The following ASTN2 variants were observed in gnomAD, a reference collection of about 807,000 sequenced individuals.
ASTN2 encodes the protein astrotactin-2.
A neutral mutation model predicts 139.8 loss-of-function variants in ASTN2; 54 were observed. The observed-to-expected ratio is 0.39, with a 90% CI of 0.31 to 0.48. ASTN2 has a LOEUF of 0.48. ASTN2 is among the 20% of genes least tolerant of loss of function. ASTN2 has a pLI of 0.95. For synonymous variants in ASTN2, 756 were observed against 719.5 expected (o/e 1.05, Z -0.81); for missense variants, 1,565 against 1,725.1 (o/e 0.91, Z 1.64).
intron 12 of ASTN2, among the ~76,000 whole-genome samples, chr9:116,806,436 GCAGTGA>G (rs1831030827): frequency 6.6e-6 from 1 of 152,196 alleles, no homozygotes; most frequent in Non-Finnish European, 1.5e-5. Context: ...GAAAAGATTT[GCAGTGA>G]CAAATCTCAG....
chr9:116,556,168 C>T (rs989879796), intron 19 of ASTN2, among the ~76,000 whole-genome samples: 16 of 152,182 alleles, frequency 1.1e-4, no homozygotes, highest in Admixed American at 6.5e-4. Context: ...GAATGAAGCA[C>T]GAGGAGTGCT....
rs1564158433 is a variant in ASTN2 at position 116,618,445 on chromosome 9, G to A, written c.3234C>T (p.Pro1078=). Residue 1078 remains proline (P), a synonymous_variant, in exon 19 of 23, where the codon CCC becomes CCT. Coordinates refer to ENST00000313400, the MANE Select transcript of ASTN2 (RefSeq NM_001365068.1). ...PVLRLSPTVE[P]SSTVVSLEWV... is the part of the protein sequence containing the mutation. ...ACTCCAAGGAGACCACAGTACTGGA[G>A]GGCTCCACTGTTGGGGACAGCCGCA... is the stretch of plus-strand genomic sequence containing the variant. 6.2e-7 allele frequency: 1 copy of A among 1,613,742 alleles called. No homozygotes were observed. The highest frequency in any genetic ancestry group is 1.3e-5 in the African/African-American group (1 of 74,920).
intron 10 of ASTN2, among the ~76,000 whole-genome samples, chr9:116,911,333 T>G (rs1255194219): frequency 6.6e-6 from 1 of 152,220 alleles, no homozygotes; most frequent in Non-Finnish European, 1.5e-5. Context: ...TTGAGGAACA[T>G]TCTACAAAAT....
intron 17 of ASTN2, among the ~76,000 whole-genome samples, chr9:116,638,079 A>G (rs1352064335): frequency 6.6e-6 from 1 of 152,234 alleles, no homozygotes; most frequent in Non-Finnish European, 1.5e-5. Context: ...CAAGTAATAC[A>G]TACAGGTTGG....
intron 1 of ASTN2, among the ~76,000 whole-genome samples, chr9:117,381,280 A>G (rs1248067940): frequency 2.6e-5 from 4 of 152,138 alleles, no homozygotes; most frequent in Non-Finnish European, 4.4e-5. Context: ...AGGTCATGAA[A>G]TGGTCTGGAA....
intron 11 of ASTN2, among the ~76,000 whole-genome samples, chr9:116,837,805 G>T (rs1832051774): frequency 6.6e-6 from 1 of 152,154 alleles, no homozygotes; most frequent in African/African-American, 2.4e-5. Context: ...GTGGGGCCCT[G>T]CCCCACCTGG....
At chr9:116,654,098 G>A (rs1364374757) in intron 16 of ASTN2, among the ~76,000 whole-genome samples, 2 of 152,158 alleles carry the variant, frequency 1.3e-5, no homozygotes, top group Non-Finnish European at 2.9e-5. Flanking sequence ...TCGGGGAGAA[G>A]GTCAAGAGAG....
intron 5 of ASTN2, among the ~76,000 whole-genome samples, chr9:117,059,780 G>A (rs1261074284): frequency 6.6e-6 from 1 of 152,036 alleles, no homozygotes; most frequent in Non-Finnish European, 1.5e-5. Flanking sequence ...TCATTCAATT[G>A]TTTACTTATT....
chr9:116,706,232 A>G (rs1201324240), intron 16 of ASTN2, among the ~76,000 whole-genome samples: 1 of 152,148 alleles, frequency 6.6e-6, no homozygotes. Context: ...AATAATATCA[A>G]ATTTTTCTCC....
chr9:116,776,912 A>G (rs1830099665), intron 13 of ASTN2, among the ~76,000 whole-genome samples: 1 of 152,222 alleles, frequency 6.6e-6, no homozygotes, highest in Non-Finnish European at 1.5e-5. Flanking sequence ...TTCATGCAGA[A>G]CAAATCATTC....
At chr9:117,120,010 G>T (rs1369455085) in intron 4 of ASTN2, among the ~76,000 whole-genome samples, 1 of 33,728 alleles carries the variant, frequency 3.0e-5, no homozygotes, top group African/African-American at 8.1e-5. Flanking sequence ...GTGTGTGTGT[G>T]TGTGTGTGTA....
chr9:116,820,843 C>A, intron 11 of ASTN2, 60 bp from the exon 12 acceptor site: 1 of 1,494,400 alleles, frequency 6.7e-7, no homozygotes, highest in South Asian at 1.3e-5. Flanking sequence ...CCCCATCACA[C>A]CCTCTCCTCC....
chr9:116,524,803 T>C (rs1239316090), intron 19 of ASTN2, among the ~76,000 whole-genome samples: 4 of 152,158 alleles, frequency 2.6e-5, no homozygotes, highest in Non-Finnish European at 5.9e-5. Flanking sequence ...TACCCATTCC[T>C]CTCTGTAGAG....
intron 10 of ASTN2, among the ~76,000 whole-genome samples, chr9:116,889,513 C>T (rs1162279496): frequency 6.6e-6 from 1 of 151,858 alleles, no homozygotes; most frequent in African/African-American, 2.4e-5. Flanking sequence ...TGTGTTTGCT[C>T]ACCAGGTTGA....
intron 19 of ASTN2, chr9:116,612,048 A>C (rs931830702): frequency 4.6e-5 from 7 of 152,150 alleles, no homozygotes; most frequent in Non-Finnish European, 7.4e-5. Flanking sequence ...CATATTAACA[A>C]ATTTAGAGAG....
At chr9:116,832,589 A>G (rs886514293) in intron 11 of ASTN2, among the ~76,000 whole-genome samples, 1 of 151,732 alleles carries the variant, frequency 6.6e-6, no homozygotes, top group Non-Finnish European at 1.5e-5. Flanking sequence ...AATTTTGTCA[A>G]ATGTTTTTCT....
At chr9:116,433,271 C>G (rs890883907) in intron 22 of ASTN2, among the ~76,000 whole-genome samples, 1 of 152,098 alleles carries the variant, frequency 6.6e-6, no homozygotes, top group African/African-American at 2.4e-5. Context: ...CATTTACATA[C>G]GTATCTGTGG....
intron 10 of ASTN2, among the ~76,000 whole-genome samples, chr9:116,921,826 T>C (rs1834619896): frequency 6.6e-6 from 1 of 152,076 alleles, no homozygotes; most frequent in African/African-American, 2.4e-5. Context: ...GAGAACAGTA[T>C]GGGGGAAACC....
At chr9:117,198,133 G>C (rs1831571916) in intron 3 of ASTN2, among the ~76,000 whole-genome samples, 1 of 151,886 alleles carries the variant, frequency 6.6e-6, no homozygotes, top group Admixed American at 6.6e-5. Context: ...CATGTGCCTT[G>C]GTGGTTTGCT....
Sources: allele counts gnomAD v4.1 joint callset (sites outside exome capture counted in the v4.1 genomes callset), GRCh38; gene constraint gnomAD v4.1.1; transcripts MANE v1.5; gene names NCBI Gene and HGNC (gene_info 2026-07-23, HGNC 2026-07-21).